The following SGCZ variants were observed in gnomAD, a reference collection of about 807,000 sequenced individuals.
The protein encoded by SGCZ is zeta-sarcoglycan.
A neutral mutation model predicts 41.3 loss-of-function variants in SGCZ; 40 were observed. That is an observed-to-expected ratio of 0.97 (90% confidence interval 0.75 to 1.26). The LOEUF is 1.26. Ranked by LOEUF, SGCZ falls within the 50% of genes most tolerant of loss-of-function variation. SGCZ has a pLI of 0.00. For missense variants in SGCZ, 552 were observed against 369.8 expected (o/e 1.49, Z -4.04); for synonymous variants, 206 against 137.5 (o/e 1.50, Z -3.49).
chr8:14,782,680 A>T (rs191124527), intron 1 of SGCZ, among the ~76,000 whole-genome samples: 17 of 138,372 alleles, frequency 1.2e-4, no homozygotes, highest in African/African-American at 4.2e-4. Flanking sequence ...TGAGATGGTT[A>T]TAGAAAAAAA....
intron 1 of SGCZ, among the ~76,000 whole-genome samples, chr8:14,685,663 C>G (rs1196843826): frequency 6.6e-6 from 1 of 152,014 alleles, no homozygotes; most frequent in Non-Finnish European, 1.5e-5. Context: ...CAGTATTATT[C>G]ATTTCCATAT....
rs565998440 is a variant in SGCZ at position 15,221,002 on chromosome 8, G to A, written c.39+16583C>T. Among the ~76,000 whole-genome samples the A allele has an allele frequency of 3.9e-5, 6 of 152,184 alleles. No individual in the cohort carries two copies. The South Asian group carries it at 1.2e-3, about 32-fold the overall frequency. The stretch of plus-strand genomic sequence containing the variant: ...CACAGGATGGGGAACATCACACACA[G>A]GGGCCGGTCGTCGGGTAGGGTATAG... On this transcript the variant is annotated intron_variant, in intron 1 of 7. Coordinates refer to ENST00000382080, the MANE Select transcript of SGCZ (RefSeq NM_139167.4).
At chr8:14,112,429 G>A (rs1409493754) in intron 5 of SGCZ, among the ~76,000 whole-genome samples, 1 of 151,932 alleles carries the variant, frequency 6.6e-6, no homozygotes, top group Non-Finnish European at 1.5e-5. Context: ...CACTTGACAG[G>A]TATCTTAGCT....
intron 1 of SGCZ, among the ~76,000 whole-genome samples, chr8:15,051,507 T>C (rs923775979): frequency 2.0e-5 from 3 of 152,172 alleles, no homozygotes; most frequent in Non-Finnish European, 2.9e-5. Flanking sequence ...CATATGCGTA[T>C]ATTTTCCTTG....
intron 1 of SGCZ, among the ~76,000 whole-genome samples, chr8:15,016,437 T>C (rs891619585): frequency 2.6e-5 from 4 of 152,140 alleles, no homozygotes; most frequent in Non-Finnish European, 5.9e-5. Flanking sequence ...TCTCTCCTGT[T>C]TGTAGCATAA....
At chr8:14,379,010 A>T (rs1012926211) in intron 2 of SGCZ, among the ~76,000 whole-genome samples, 1 of 152,206 alleles carries the variant, frequency 6.6e-6, no homozygotes, top group Admixed American at 6.5e-5. Flanking sequence ...TAAGTTGATC[A>T]TTATCCCAGA....
intron 1 of SGCZ, among the ~76,000 whole-genome samples, chr8:14,649,743 C>T (rs10111399): frequency 0.43 from 64,930 of 151,830 alleles, 15,341 homozygotes; most frequent in Middle Eastern, 0.57. Flanking sequence ...CTGAAACAAA[C>T]GCCTGTGAGG....
chr8:14,513,959 C>A (rs1802537980), intron 2 of SGCZ, among the ~76,000 whole-genome samples: 1 of 152,022 alleles, frequency 6.6e-6, no homozygotes, highest in Non-Finnish European at 1.5e-5. Context: ...AGTTGGAAAG[C>A]TGTTGACTAA....
chr8:14,822,838 C>T (rs1585292485), intron 1 of SGCZ, among the ~76,000 whole-genome samples: 1 of 152,132 alleles, frequency 6.6e-6, no homozygotes, highest in South Asian at 2.1e-4. Context: ...GAATTCAAGG[C>T]TTCAGCGCAG....
chr8:14,208,658 AAAC>A (rs1177410631), intron 4 of SGCZ, among the ~76,000 whole-genome samples: 2 of 152,160 alleles, frequency 1.3e-5, no homozygotes, highest in Middle Eastern at 3.2e-3. Flanking sequence ...ACCATTATGA[AAAC>A]AACTAGAAAC....
chr8:14,148,796 C>G (rs555514260), intron 5 of SGCZ, among the ~76,000 whole-genome samples: 67 of 152,166 alleles, frequency 4.4e-4, no homozygotes, highest in African/African-American at 1.5e-3. Context: ...CCATAAAATA[C>G]TAGCAAACTG....
chr8:14,989,791 A>T (rs1259452796), intron 1 of SGCZ, among the ~76,000 whole-genome samples: 2 of 152,334 alleles, frequency 1.3e-5, no homozygotes, highest in East Asian at 3.9e-4. Context: ...CATCTTTTTC[A>T]TATCCTGTTT....
At chr8:14,725,008 C>A (rs911332773) in intron 1 of SGCZ, among the ~76,000 whole-genome samples, 2 of 152,278 alleles carry the variant, frequency 1.3e-5, no homozygotes, top group African/African-American at 4.8e-5. Context: ...CTCCCCACTA[C>A]ATTTCCCAGC....
intron 1 of SGCZ, among the ~76,000 whole-genome samples, chr8:14,623,688 T>A (rs1441227105): frequency 6.6e-6 from 1 of 152,196 alleles, no homozygotes; most frequent in African/African-American, 2.4e-5. Context: ...TTATAATTTT[T>A]AACCCCTTTT....
intron 1 of SGCZ, among the ~76,000 whole-genome samples, chr8:14,816,291 A>G (rs1038393916): frequency 3.3e-5 from 5 of 152,182 alleles, no homozygotes; most frequent in African/African-American, 1.2e-4. Flanking sequence ...TGCCTGTTCT[A>G]TGCTCTGATG....
intron 1 of SGCZ, among the ~76,000 whole-genome samples, chr8:14,958,110 G>T (rs934011225): frequency 1.1e-4 from 16 of 152,014 alleles, no homozygotes; most frequent in Non-Finnish European, 4.4e-5. Context: ...ATGTTGGGTA[G>T]AACCAGTAGG....
intron 2 of SGCZ, among the ~76,000 whole-genome samples, chr8:14,436,300 C>T (rs1211929281): frequency 1.3e-5 from 2 of 152,078 alleles, no homozygotes; most frequent in Non-Finnish European, 2.9e-5. Flanking sequence ...TCTGTAAGAG[C>T]GAAGAATAAT....
intron 3 of SGCZ, among the ~76,000 whole-genome samples, chr8:14,282,905 A>G (rs1800496915): frequency 8.3e-6 from 1 of 120,268 alleles, no homozygotes; most frequent in Non-Finnish European, 1.6e-5. Context: ...GCTGGAGTGT[A>G]GTGGCGCGAT....
At chr8:14,965,355 G>C (rs1801099047) in intron 1 of SGCZ, among the ~76,000 whole-genome samples, 1 of 152,024 alleles carries the variant, frequency 6.6e-6, no homozygotes, top group African/African-American at 2.4e-5. Flanking sequence ...TTTTTGATTG[G>C]GATTTGACTG....
Sources: allele counts gnomAD v4.1 joint callset (sites outside exome capture counted in the v4.1 genomes callset), GRCh38; gene constraint gnomAD v4.1.1; transcripts MANE v1.5; gene names NCBI Gene and HGNC (gene_info 2026-07-23, HGNC 2026-07-21).